Variants in RESF1 observed in about 807,000 individuals in gnomAD.
RESF1 encodes retroelement silencing factor 1.
Under a neutral mutation model 134.7 loss-of-function variants are expected in RESF1, and 65 were observed. That is an observed-to-expected ratio of 0.48 (90% CI 0.40 to 0.59). The LOEUF is 0.59. Among genes scored for constraint, RESF1 ranks in the 20% least tolerant of loss-of-function variants. RESF1 has a pLI of 0.00. For synonymous variants in RESF1, 762 were observed against 702.2 expected, an observed-to-expected ratio of 1.09 and a Z score of -1.35; for missense variants, 2,274 against 2,002.7, an observed-to-expected ratio of 1.14 and a Z score of -2.59.
Position 31,985,835 on chromosome 12 carries a change from C to T in RESF1, c.4880C>T (p.Thr1627Ile). The T allele has an allele frequency of 1.9e-6, 3 of 1,564,750 alleles. No individual in the cohort carries two copies. The highest frequency in any genetic ancestry group is 2.3e-5 in the East Asian group (1 of 44,280). Reference protein sequence around the residue: ...HKTFLPVKGNTEKSNMLEFKL... With the variant: ...HKTFLPVKGNIEKSNMLEFKL... ...ACCTTTTTACCGGTGAAAGGTAACA[C>T]AGAAAAATCAAACATGCTGGAGTTT... The change falls in exon 4 of 6, where the codon ACA becomes ATA. Residue 1627 changes from threonine to isoleucine, a missense_variant. Transcript: ENST00000312561.
intron 2 of RESF1, among the ~76,000 whole-genome samples, chr12:31,968,448 CT>C (rs1359654617): frequency 4.0e-5 from 5 of 126,398 alleles, no homozygotes; most frequent in Non-Finnish European, 8.4e-5. Context: ...ATTAGGACTT[CT>C]CTTTTTTTTT....
intron 2 of RESF1, among the ~76,000 whole-genome samples, chr12:31,966,009 G>A (rs955827001): frequency 1.3e-5 from 2 of 152,132 alleles, no homozygotes; most frequent in Non-Finnish European, 2.9e-5. Context: ...ACTTGGGGGT[G>A]CTTGTCAGCG....
In RESF1 at chr12:31,980,863, CT is replaced by C; in HGVS notation, c.-78-12del. The C allele has an allele frequency of 1.1e-6, 1 of 942,922 alleles. No homozygotes were observed. The allele number at this position is 942,922 out of a possible 1,614,324, so 58.4% of individuals were successfully genotyped here. On this transcript the variant is annotated splice_polypyrimidine_tract_variant and intron_variant, in intron 3 of 5. Coordinates refer to ENST00000312561, the MANE Select transcript of RESF1 (RefSeq NM_018169.4). ...GCAAAACAGCATTTTAATAAAATAT[CT>C]TTATTTCTTACAGATTCCTGACATT...
At position 31,985,466 on chromosome 12, in the gene RESF1, C is replaced by T; in HGVS notation, c.4511C>T (p.Thr1504Ile). ...GAGAAACACAGCAGCGGCGTGCAGA[C>T]CTCTAAAGAATCATTAAATGGCTTG... Reference protein sequence around the residue: ...SNEKHSSGVQTSKESLNGLTS... With the variant: ...SNEKHSSGVQISKESLNGLTS... The change falls in exon 4 of 6, where the codon ACC (threonine) becomes ATC (isoleucine). Residue 1504 changes from threonine (T) to isoleucine (I), a missense_variant. Transcript: ENST00000312561. 6.2e-7 allele frequency: 1 copy of T among 1,608,356 alleles called. No individual in the cohort carries two copies. The highest frequency in any genetic ancestry group is 8.5e-7 in the Non-Finnish European group (1 of 1,178,580).
At chr12:31,965,054 G>A (rs1446339217) in intron 2 of RESF1, among the ~76,000 whole-genome samples, 1 of 151,870 alleles carries the variant, frequency 6.6e-6, no homozygotes, top group Non-Finnish European at 1.5e-5. Context: ...TGTAACCTCC[G>A]CTTCCGATTC....
In RESF1 at chr12:31,982,400, A is replaced by G. The variant is rs755711329; in HGVS notation, c.1445A>G (p.Gln482Arg). ...VVESAETNKT[Q>R]CMLNSDIQEV... ...GAATCTGCAGAAACAAATAAGACTC[A>G]ATGTATGTTGAATTCTGACATTCAG... The change falls in exon 4 of 6, where the codon CAA becomes CGA. Residue 482 changes from glutamine (Q) to arginine (R), a missense_variant. By Grantham distance (43) the Gln-to-Arg change is conservative (BLOSUM62 1). Transcript: ENST00000312561. 5.0e-6 allele frequency: 8 copies of G among 1,614,128 alleles called. No homozygotes were observed. Among genetic ancestry groups the G allele is most frequent in the Non-Finnish European group, 6.8e-6 (8 of 1,180,006 alleles).
intron 5 of RESF1, among the ~76,000 whole-genome samples, chr12:31,989,758 G>A (rs1479039795): frequency 3.9e-5 from 6 of 152,022 alleles, no homozygotes; most frequent in African/African-American, 1.2e-4. Context: ...AGGCTGAGAC[G>A]GGAGAATCAC....
At chr12:31,963,748 G>A (rs1229584275) in intron 2 of RESF1, among the ~76,000 whole-genome samples, 1 of 152,086 alleles carries the variant, frequency 6.6e-6, no homozygotes. Context: ...CTTTCCCTAG[G>A]TAACCATTAA....
In RESF1 at chr12:31,968,690, C is replaced by T. The variant is rs144735183; in HGVS notation, c.-246-1499C>T. Among the ~76,000 whole-genome samples the T allele has an allele frequency of 3.6e-3, 547 of 152,128 alleles. 5 individuals are homozygous for T. The highest frequency in any genetic ancestry group is 0.012 in the African/African-American group (517 of 41,528). ...GTCTCGATCTCCTGACCTCGTGATCCGCCCGCCTCTGCCTCCCAAAGTGCT... is the reference window on the plus strand; with the variant it reads ...GTCTCGATCTCCTGACCTCGTGATCTGCCCGCCTCTGCCTCCCAAAGTGCT... On this transcript the variant is annotated intron_variant, in intron 2 of 5. Coordinates refer to ENST00000312561, the MANE Select transcript of RESF1 (RefSeq NM_018169.4).
At position 31,981,888 on chromosome 12, in the gene RESF1, G is replaced by T. The variant is rs772872499; in HGVS notation, c.933G>T (p.Met311Ile). 4 of 1,614,098 alleles carry T rather than the reference G, an allele frequency of 2.5e-6. No homozygotes were observed. Among genetic ancestry groups the T allele is most frequent in the Non-Finnish European group, 3.4e-6 (4 of 1,180,020 alleles). ...TGGAAGTTCCTCAGAGTCGAGAAAT[G>T]CTGTCATCTGAAATAAGGACCAGCT... ...LSMEVPQSRE[M>I]LSSEIRTSFQ... Residue 311 changes from methionine to isoleucine, a missense_variant, in exon 4 of 6, where the codon ATG becomes ATT. Transcript: ENST00000312561.
At chr12:31,975,659 CT>C (rs1177770600) in intron 3 of RESF1, among the ~76,000 whole-genome samples, 2 of 152,192 alleles carry the variant, frequency 1.3e-5, no homozygotes, top group Non-Finnish European at 2.9e-5. Context: ...TTCCATCACA[CT>C]TTGTAAAAAG....
chr12:31,967,687 T>C (rs1278350041), intron 2 of RESF1, among the ~76,000 whole-genome samples: 3 of 143,316 alleles, frequency 2.1e-5, no homozygotes, highest in African/African-American at 5.2e-5. Flanking sequence ...TGTGTGTGTG[T>C]GTTTTTCATT....
intron 2 of RESF1, among the ~76,000 whole-genome samples, chr12:31,963,686 C>T (rs1939331601): frequency 6.6e-6 from 1 of 152,132 alleles, no homozygotes; most frequent in African/African-American, 2.4e-5. Flanking sequence ...TTTATTACCC[C>T]CAAAATATCT....
intron 3 of RESF1, among the ~76,000 whole-genome samples, chr12:31,973,097 G>A (rs1341607633): frequency 6.6e-6 from 1 of 152,066 alleles, no homozygotes; most frequent in Non-Finnish European, 1.5e-5. Flanking sequence ...AGTGATGGAG[G>A]CTGGCAGAGA....
chr12:31,967,116 G>A (rs1259499570), intron 2 of RESF1, among the ~76,000 whole-genome samples: 2 of 152,154 alleles, frequency 1.3e-5, no homozygotes, highest in Admixed American at 6.5e-5. Flanking sequence ...GGGTATACTT[G>A]CTGGCTATAA....
intron 3 of RESF1, among the ~76,000 whole-genome samples, chr12:31,980,484 CAAT>C: frequency 6.6e-6 from 1 of 152,230 alleles, no homozygotes; most frequent in Middle Eastern, 3.4e-3. Flanking sequence ...TGCGAATGAA[CAAT>C]GAGAATGTTT....
At chr12:31,980,748 C>T (rs1324848819) in intron 3 of RESF1, 130 bp from the exon 4 acceptor site, 1 of 485,696 alleles carries the variant, frequency 2.1e-6, no homozygotes, top group Non-Finnish European at 3.6e-6. Flanking sequence ...TATTGCTCCT[C>T]TTCTTCCCAA....
chr12:31,976,728 G>A (rs1404349903), intron 3 of RESF1, among the ~76,000 whole-genome samples: 1 of 152,074 alleles, frequency 6.6e-6, no homozygotes, highest in Non-Finnish European at 1.5e-5. Context: ...TATTCATTAA[G>A]TGGAAATGGA....
At chr12:31,968,466 T>G (rs867156703) in intron 2 of RESF1, among the ~76,000 whole-genome samples, 3,263 of 125,560 alleles carry the variant, frequency 0.026, 127 homozygotes, top group African/African-American at 0.088. Context: ...TTTTTTTTTT[T>G]GAGACGGAGT....
Sources: allele counts gnomAD v4.1 joint callset (sites outside exome capture counted in the v4.1 genomes callset), GRCh38; gene constraint gnomAD v4.1.1; transcripts MANE v1.5; gene names NCBI Gene and HGNC (gene_info 2026-07-23, HGNC 2026-07-21).